Variants in PHTF2 observed in about 807,000 individuals in gnomAD.
The protein encoded by PHTF2 is protein PHTF2.
A neutral mutation model predicts 101.2 loss-of-function variants in PHTF2; 60 were observed. The observed-to-expected ratio is 0.59, with a 90% CI of 0.48 to 0.73. PHTF2 has a LOEUF of 0.73. PHTF2 is among the 30% of genes least tolerant of loss of function. The probability of loss-of-function intolerance (pLI) is 0.00; values close to 1 mark genes in which losing one functional copy is unlikely to be tolerated. For synonymous variants in PHTF2, 311 were observed against 307.3 expected (o/e 1.01, Z -0.13); for missense variants, 747 against 908.7 (o/e 0.82, Z 2.29).
At chr7:77,873,807 A>G (rs1798718362) in intron 3 of PHTF2, among the ~76,000 whole-genome samples, 1 of 152,168 alleles carries the variant, frequency 6.6e-6, no homozygotes, top group South Asian at 2.1e-4. Flanking sequence ...TTTTCTATCA[A>G]TGCCCTCACT....
intron 1 of PHTF2, among the ~76,000 whole-genome samples, chr7:77,830,330 T>G (rs1310466942): frequency 6.6e-6 from 1 of 152,198 alleles, no homozygotes; most frequent in African/African-American, 2.4e-5. Flanking sequence ...TGATAAAGTT[T>G]ATATTATAAA....
chr7:77,891,562 G>C (rs1261643886), intron 3 of PHTF2, among the ~76,000 whole-genome samples: 1 of 140,588 alleles, frequency 7.1e-6, no homozygotes, highest in Non-Finnish European at 1.5e-5. Context: ...TTAATTTTGG[G>C]GGTATAATAT....
intron 3 of PHTF2, among the ~76,000 whole-genome samples, chr7:77,873,940 C>T (rs1798728939): frequency 6.6e-6 from 1 of 152,192 alleles, no homozygotes; most frequent in Non-Finnish European, 1.5e-5. Context: ...AGATAAGACT[C>T]TCACCCAGGG....
chr7:77,890,417 C>T (rs1211383630), intron 3 of PHTF2, among the ~76,000 whole-genome samples: 1 of 152,128 alleles, frequency 6.6e-6, no homozygotes. Context: ...CATGTATCTA[C>T]ACATTCACTT....
chr7:77,869,341 T>C (rs1798333985), intron 3 of PHTF2, among the ~76,000 whole-genome samples: 1 of 152,226 alleles, frequency 6.6e-6, no homozygotes, highest in Admixed American at 6.5e-5. Context: ...GTTACCCTCC[T>C]GTGCTATCAA....
At chr7:77,836,119 C>CA (rs1210225270) in intron 1 of PHTF2, among the ~76,000 whole-genome samples, 1,856 of 64,222 alleles carry the variant, frequency 0.029, 60 homozygotes, top group African/African-American at 0.058. Context: ...AACTCCATCT[C>CA]AAAAAAAAAA....
chr7:77,899,319 G>A (rs1232752612), intron 5 of PHTF2, among the ~76,000 whole-genome samples: 1 of 151,582 alleles, frequency 6.6e-6, no homozygotes, highest in Admixed American at 6.6e-5. Flanking sequence ...CACCTTGTTC[G>A]ACCTCAGCTG....
At chr7:77,875,870 A>G (rs1372781834) in intron 3 of PHTF2, among the ~76,000 whole-genome samples, 1 of 152,176 alleles carries the variant, frequency 6.6e-6, no homozygotes, top group Non-Finnish European at 1.5e-5. Context: ...AACAGGTAAT[A>G]TTTATTGAAC....
At chr7:77,894,144 A>T (rs982969135) in intron 5 of PHTF2, among the ~76,000 whole-genome samples, 151 bp downstream of exon 4, 4 of 152,212 alleles carry the variant, frequency 2.6e-5, no homozygotes, top group Non-Finnish European at 5.9e-5. Flanking sequence ...AAGTTAGGAC[A>T]GTAAAGCACT....
intron 1 of PHTF2, among the ~76,000 whole-genome samples, chr7:77,822,725 A>G (rs1017766530): frequency 9.2e-5 from 14 of 151,928 alleles, no homozygotes; most frequent in African/African-American, 2.7e-4. Context: ...CTGCCCTCCA[A>G]TCTCATCACG....
At chr7:77,844,091 G>A (rs1266094102) in intron 2 of PHTF2, among the ~76,000 whole-genome samples, 3 of 152,136 alleles carry the variant, frequency 2.0e-5, no homozygotes, top group African/African-American at 7.2e-5. Flanking sequence ...TCGACCTCCT[G>A]GGCTCAAACG....
chr7:77,852,602 T>C (rs1488244450), intron 2 of PHTF2, among the ~76,000 whole-genome samples: 2 of 152,252 alleles, frequency 1.3e-5, no homozygotes, highest in Non-Finnish European at 2.9e-5. Flanking sequence ...GTCTTTCTAC[T>C]CAATATGTGA....
At position 77,922,901 on chromosome 7, in the gene PHTF2, T is replaced by C. The variant is rs542370308; in HGVS notation, c.1119+123T>C. Reference sequence around the variant, plus strand: ...TTCACATTATTATCAATATTTATTATTGTTGTATGATCTGGATTTATAAAA... The same window carrying C: ...TTCACATTATTATCAATATTTATTACTGTTGTATGATCTGGATTTATAAAA... On this transcript the variant is annotated intron_variant, in intron 11 of 19. Transcript: ENST00000416283. 1.0e-5 allele frequency: 13 copies of C among 1,281,262 alleles called. No individual in the cohort carries two copies. In the East Asian group the frequency reaches 1.6e-4, roughly 15 times the overall value. The allele number at this position is 1,281,262 out of a possible 1,614,324, so 79.4% of individuals were successfully genotyped here.
At chr7:77,914,306 G>C in intron 9 of PHTF2, among the ~76,000 whole-genome samples, 1 of 150,944 alleles carries the variant, frequency 6.6e-6, no homozygotes, top group Non-Finnish European at 1.5e-5. Flanking sequence ...ATTGGGTCTT[G>C]AAGTGAATTT....
intron 3 of PHTF2, among the ~76,000 whole-genome samples, chr7:77,888,797 T>G (rs965784601): frequency 6.6e-6 from 1 of 152,112 alleles, no homozygotes; most frequent in Admixed American, 6.6e-5. Flanking sequence ...GTCAAACTTA[T>G]GTGACTCAAT....
chr7:77,894,727 G>A (rs1267866938), intron 5 of PHTF2, among the ~76,000 whole-genome samples: 1 of 152,178 alleles, frequency 6.6e-6, no homozygotes, highest in Non-Finnish European at 1.5e-5. Flanking sequence ...AGAAGAGCGA[G>A]AGGGGAGACA....
chr7:77,837,991 T>C (rs1214426615), intron 1 of PHTF2, among the ~76,000 whole-genome samples: 1 of 152,064 alleles, frequency 6.6e-6, no homozygotes, highest in African/African-American at 2.4e-5. Context: ...AAAGATTGGG[T>C]AAAGTGAAAA....
chr7:77,909,577 A>T (rs1055646125), intron 8 of PHTF2: 3 of 152,410 alleles, frequency 2.0e-5, no homozygotes, highest in African/African-American at 7.3e-5. Context: ...TTTATTGTCC[A>T]GGCTAGTCTT....
chr7:77,921,006 A>T (rs1054655609), intron 10 of PHTF2, among the ~76,000 whole-genome samples: 3 of 152,180 alleles, frequency 2.0e-5, no homozygotes, highest in Admixed American at 2.0e-4. Context: ...AAAGCACTTT[A>T]TAATTTACAG....
Sources: gnomAD v4.1 joint callset for allele counts (sites outside exome capture counted in the v4.1 genomes callset) on GRCh38, gnomAD v4.1.1 for gene constraint, MANE v1.5 for transcripts, NCBI Gene and HGNC (gene_info 2026-07-23, HGNC 2026-07-21) for gene names.